The following CDYL2 variants were observed in gnomAD, a reference collection of about 807,000 sequenced individuals.
CDYL2 encodes chromodomain Y like 2.
Under a neutral mutation model 49.4 loss-of-function variants are expected in CDYL2, and 23 were observed. That is an observed-to-expected ratio of 0.47 (90% confidence interval 0.34 to 0.66). CDYL2 has a LOEUF of 0.66. CDYL2 is among the 30% of genes least tolerant of loss of function. The pLI is 0.01. For synonymous variants in CDYL2, 360 were observed against 268.8 expected, an observed-to-expected ratio of 1.34 and a Z score of -3.32; for missense variants, 678 against 656.4, an observed-to-expected ratio of 1.03 and a Z score of -0.36.
intron 1 of CDYL2, among the ~76,000 whole-genome samples, chr16:80,746,141 T>C (rs1164229735): frequency 4.6e-5 from 7 of 152,194 alleles, no homozygotes; most frequent in African/African-American, 1.2e-4. Context: ...AACAGGTACC[T>C]GCACAAAATG....
intron 2 of CDYL2, chr16:80,662,806 C>A (rs1001838900): frequency 1.1e-5 from 5 of 454,124 alleles, no homozygotes; most frequent in African/African-American, 1.0e-4. Context: ...GGAAAATCAT[C>A]ATGGATACCT....
At chr16:80,764,666 T>C (rs1906652482) in intron 1 of CDYL2, among the ~76,000 whole-genome samples, 2 of 152,174 alleles carry the variant, frequency 1.3e-5, no homozygotes, top group African/African-American at 4.8e-5. Context: ...GTATCTAATA[T>C]ATACTGTAGT....
chr16:80,615,360 A>T (rs4315348), intron 4 of CDYL2, among the ~76,000 whole-genome samples: 1 of 152,102 alleles, frequency 6.6e-6, no homozygotes, highest in Non-Finnish European at 1.5e-5. Context: ...TTTGTCAAAC[A>T]TCCCATTCCT....
chr16:80,767,419 G>A (rs1906763396), intron 1 of CDYL2, among the ~76,000 whole-genome samples: 1 of 152,144 alleles, frequency 6.6e-6, no homozygotes, highest in Non-Finnish European at 1.5e-5. Context: ...GGTATTTAAT[G>A]CAATAGTGAG....
chr16:80,698,166 C>G (rs1404591057), intron 1 of CDYL2, among the ~76,000 whole-genome samples: 1 of 151,998 alleles, frequency 6.6e-6, no homozygotes, highest in Non-Finnish European at 1.5e-5. Context: ...CTGTAGTAAC[C>G]AAAACAGTAT....
intron 1 of CDYL2, among the ~76,000 whole-genome samples, chr16:80,743,785 T>A (rs1358624123): frequency 6.6e-6 from 1 of 152,120 alleles, no homozygotes; most frequent in Non-Finnish European, 1.5e-5. Flanking sequence ...TTTAACCCCT[T>A]CAAAATCAAT....
intron 1 of CDYL2, among the ~76,000 whole-genome samples, chr16:80,757,753 T>G (rs962557261): frequency 6.6e-6 from 1 of 151,806 alleles, no homozygotes; most frequent in Non-Finnish European, 1.5e-5. Flanking sequence ...TGTAACAATA[T>G]GTAAAATCCA....
rs879167551 is a variant in CDYL2, at chr16:80,738,201, CT to C, written c.25-53073del. 2.6e-5 allele frequency among the ~76,000 whole-genome samples: 4 copies of C among 152,228 alleles called. No homozygotes were observed. In the East Asian group the frequency reaches 5.8e-4, roughly 22 times the overall value. Reference sequence around the variant, plus strand: ...TCCCTGCAAAGGACATGAACCCATCCTTTTTTATGGCTGCATAGTATTCCAT... The same window carrying C: ...TCCCTGCAAAGGACATGAACCCATCCTTTTTATGGCTGCATAGTATTCCAT... On this transcript the variant is annotated intron_variant, in intron 1 of 6. Transcript: ENST00000570137.
chr16:80,701,528 A>T (rs2142500798), intron 1 of CDYL2, among the ~76,000 whole-genome samples: 1 of 152,296 alleles, frequency 6.6e-6, no homozygotes, highest in South Asian at 2.1e-4. Flanking sequence ...CATGGGGAAA[A>T]ATGAGCACAT....
chr16:80,645,011 C>T (rs183057204), intron 2 of CDYL2, among the ~76,000 whole-genome samples: 204 of 152,034 alleles, frequency 1.3e-3, no homozygotes, highest in African/African-American at 4.3e-3. Flanking sequence ...AAGACTTAAA[C>T]GTTAGACCTA....
Position 80,783,437 on chromosome 16 carries a change from G to C in CDYL2, c.24+20713C>G, listed in dbSNP as rs1443508439. On this transcript the variant is annotated intron_variant, in intron 1 of 6. Coordinates refer to ENST00000570137, the MANE Select transcript of CDYL2 (RefSeq NM_152342.4). ...ATGGGTGTAAAATGGAAAATGGTTT[G>C]GAAGTTTCTCAAAAAGTTAAAAATA... is the stretch of plus-strand genomic sequence containing the variant. 2.0e-5 allele frequency among the ~76,000 whole-genome samples: 3 copies of C among 152,070 alleles called. No homozygotes were observed. In the East Asian group the frequency reaches 5.8e-4, roughly 29 times the overall value.
chr16:80,794,348 T>G (rs2142418904), intron 1 of CDYL2, among the ~76,000 whole-genome samples: 1 of 152,264 alleles, frequency 6.6e-6, no homozygotes, highest in South Asian at 2.1e-4. Context: ...TAATTTTATG[T>G]GAGGAGACAT....
At chr16:80,798,444 T>C (rs1013866857) in intron 1 of CDYL2, among the ~76,000 whole-genome samples, 1 of 152,176 alleles carries the variant, frequency 6.6e-6, no homozygotes, top group African/African-American at 2.4e-5. Context: ...GTCTACACAA[T>C]GGGAATGCCA....
intron 2 of CDYL2, among the ~76,000 whole-genome samples, chr16:80,645,059 C>A (rs1908274668): frequency 6.6e-6 from 1 of 152,090 alleles, no homozygotes; most frequent in South Asian, 2.1e-4. Context: ...TAGGCAATAC[C>A]ATTCAGGACA....
intron 1 of CDYL2, among the ~76,000 whole-genome samples, chr16:80,710,625 C>T (rs1904563402): frequency 6.6e-6 from 1 of 152,106 alleles, no homozygotes; most frequent in Non-Finnish European, 1.5e-5. Flanking sequence ...AACAGGTTAA[C>T]TGTATGAAAA....
intron 2 of CDYL2, among the ~76,000 whole-genome samples, chr16:80,663,145 C>G (rs770739572): frequency 9.6e-5 from 12 of 124,636 alleles, no homozygotes; most frequent in Non-Finnish European, 2.4e-4. Context: ...GTGCAAAGCA[C>G]TTTCCTTCCA....
intron 1 of CDYL2, among the ~76,000 whole-genome samples, chr16:80,732,899 TAC>T (rs1905380156): frequency 1.3e-5 from 2 of 152,146 alleles, no homozygotes; most frequent in Non-Finnish European, 1.5e-5. Context: ...GAATGGAAAA[TAC>T]ACACACACAT....
intron 1 of CDYL2, among the ~76,000 whole-genome samples, chr16:80,768,005 T>G (rs1197692808): frequency 6.6e-6 from 1 of 152,208 alleles, no homozygotes; most frequent in Non-Finnish European, 1.5e-5. Flanking sequence ...GTAGTCTTCC[T>G]ATCAATCCTG....
intron 1 of CDYL2, among the ~76,000 whole-genome samples, chr16:80,785,372 T>G (rs976622977): frequency 6.6e-6 from 1 of 151,982 alleles, no homozygotes; most frequent in Non-Finnish European, 1.5e-5. Context: ...CAATTGCTAC[T>G]AAGAGAATAA....
Sources: gnomAD v4.1 joint callset for allele counts (sites outside exome capture counted in the v4.1 genomes callset) on GRCh38, gnomAD v4.1.1 for gene constraint, MANE v1.5 for transcripts, NCBI Gene and HGNC (gene_info 2026-07-23, HGNC 2026-07-21) for gene names.